WSCD1: variants seen among roughly 807,000 people sequenced by gnomAD.
The protein encoded by WSCD1 is WSC domain sialate O sulfotransferase 1, also known as sialate:O-sulfotransferase 1.
Under a neutral mutation model 60.4 loss-of-function variants are expected in WSCD1, and 41 were observed. That is an observed-to-expected ratio of 0.68 (90% CI 0.53 to 0.88). The LOEUF (loss-of-function observed/expected upper bound fraction) is 0.88, where lower values mean the gene tolerates loss of function less well. Ranked by LOEUF, WSCD1 falls within the 40% of genes least tolerant of loss-of-function variation. The probability of loss-of-function intolerance (pLI) is 0.00; values close to 1 mark genes in which losing one functional copy is unlikely to be tolerated. For synonymous variants in WSCD1, 361 were observed against 332.5 expected (o/e 1.09, Z -0.93); for missense variants, 784 against 796.2 (o/e 0.98, Z 0.18).
In WSCD1 at chr17:6,117,366, C is replaced by T. The variant is rs542472357; in HGVS notation, c.1175-622C>T. On this transcript the variant is annotated intron_variant, in intron 7 of 8. Transcript: ENST00000317744. ...GACCTGCTCTGAGGCAAGGCTGGGCCCTGTCATAGAACCATGGCATCAGGT... is the reference window on the plus strand; with the variant it reads ...GACCTGCTCTGAGGCAAGGCTGGGCTCTGTCATAGAACCATGGCATCAGGT... Among the ~76,000 whole-genome samples, 7 of 152,330 alleles carry T rather than the reference C, an allele frequency of 4.6e-5. No individual in the cohort carries two copies. The South Asian group carries it at 1.2e-3, about 27-fold the overall frequency.
In WSCD1 at chr17:6,120,964, C is replaced by A. The variant is rs748967101; in HGVS notation, c.*303C>A. ...CCCACGTGGGGTGTGCCAGGCACCCCCAGATACAAATGCAGCCACGCACAG... is the reference window on the plus strand; with the variant it reads ...CCCACGTGGGGTGTGCCAGGCACCCACAGATACAAATGCAGCCACGCACAG... On this transcript the variant is annotated 3_prime_UTR_variant, in exon 9 of 9. Coordinates refer to ENST00000317744, the MANE Select transcript of WSCD1 (RefSeq NM_015253.2). The A allele has an allele frequency of 1.1e-4, 49 of 430,180 alleles. No homozygotes were observed. Among genetic ancestry groups the A allele is most frequent in the Non-Finnish European group, 1.9e-4 (44 of 236,624 alleles). The allele number at this position is 430,180 out of a possible 1,614,324, so 26.6% of individuals were successfully genotyped here. A position where few individuals can be genotyped will look rare whatever the true frequency, so the allele number is the denominator to read the frequency against.
chr17:6,090,415 G>A lies in WSCD1; in HGVS notation c.637G>A (p.Glu213Lys). Residue 213 changes from glutamate (E) to lysine (K), a missense_variant, in exon 4 of 9, where the codon GAG becomes AAG. By Grantham distance (56) the Glu-to-Lys change is moderately conservative (BLOSUM62 1). Coordinates refer to ENST00000317744, the MANE Select transcript of WSCD1 (RefSeq NM_015253.2). ...VSVGLEECNH[E>K]CKGEKGSVCG... ...CGTGGGGCTGGAAGAGTGTAACCATGAGTGCAAAGGCGAGAAGGGCTCTGT... is the reference window on the plus strand; with the variant it reads ...CGTGGGGCTGGAAGAGTGTAACCATAAGTGCAAAGGCGAGAAGGGCTCTGT... 6.2e-7 allele frequency: 1 copy of A among 1,612,520 alleles called. No homozygotes were observed. Among genetic ancestry groups the A allele is most frequent in the Non-Finnish European group, 8.5e-7 (1 of 1,179,404 alleles).
chr17:6,109,613 C>T lies in WSCD1; in HGVS notation c.856C>T (p.Pro286Ser). 1 of 1,613,842 alleles carries T rather than the reference C, an allele frequency of 6.2e-7. No homozygotes were observed. Among genetic ancestry groups the T allele is most frequent in the Middle Eastern group, 1.6e-4 (1 of 6,062 alleles). ...TCTTATCGTTCCCTGGCAGGAGTTC[C>T]CCTTGGCCATTCTCAGGGGCTGGGA... The part of the protein sequence containing the change: ...CSGFCSQKEF[P>S]LAILRGWECY... Residue 286 changes from proline (P) to serine (S), a missense_variant, in exon 6 of 9, where the codon CCC becomes TCC. Coordinates refer to ENST00000317744, the MANE Select transcript of WSCD1 (RefSeq NM_015253.2).
In WSCD1 at chr17:6,086,821, C is replaced by T. The variant is rs1206503571; in HGVS notation, c.428-1169C>T. On this transcript the variant is annotated intron_variant, in intron 2 of 8. Coordinates refer to ENST00000317744, the MANE Select transcript of WSCD1 (RefSeq NM_015253.2). ...CTCTTGGCAGGAACAGAGACAGTCT[C>T]CCTTGCCCTCACGGAGCATCCAGGC... Among the ~76,000 whole-genome samples the T allele has an allele frequency of 4.6e-5, 7 of 152,204 alleles. No individual in the cohort carries two copies. In the East Asian group the frequency reaches 1.2e-3, roughly 25 times the overall value.
At chr17:6,115,113 G>A (rs1335950576) in intron 7 of WSCD1, among the ~76,000 whole-genome samples, 1 of 152,204 alleles carries the variant, frequency 6.6e-6, no homozygotes, top group African/African-American at 2.4e-5. Flanking sequence ...GTAGTCCGAG[G>A]TGGGGCCTGA....
Position 6,120,545 on chromosome 17 carries a change from C to G in WSCD1, c.1612C>G (p.Pro538Ala). 6.2e-7 allele frequency: 1 copy of G among 1,613,828 alleles called. No homozygotes were observed. The highest frequency in any genetic ancestry group is 1.1e-5 in the South Asian group (1 of 91,080). The change falls in exon 9 of 9, where the codon CCT becomes GCT. Residue 538 changes from proline to alanine, a missense_variant. By Grantham distance (27) the Pro-to-Ala change is conservative. Coordinates refer to ENST00000317744, the MANE Select transcript of WSCD1 (RefSeq NM_015253.2). ...FRRRGRRSHD[P>A]EPFTPEMKDL... ...GCGGCGCGGCCGGCGCTCCCACGACCCTGAGCCCTTCACCCCGGAGATGAA... is the reference window on the plus strand; with the variant it reads ...GCGGCGCGGCCGGCGCTCCCACGACGCTGAGCCCTTCACCCCGGAGATGAA...
chr17:6,115,066 C>T (rs1911619643), intron 7 of WSCD1, among the ~76,000 whole-genome samples: 1 of 152,144 alleles, frequency 6.6e-6, no homozygotes, highest in South Asian at 2.1e-4. Flanking sequence ...AAGAGAATCA[C>T]TTGGTCCTGG....
intron 5 of WSCD1, among the ~76,000 whole-genome samples, chr17:6,103,897 C>CA (rs1221240211): frequency 1.4e-4 from 21 of 152,182 alleles, no homozygotes; most frequent in Admixed American, 7.2e-4. Flanking sequence ...AACCAAGACT[C>CA]AATTCAGCTA....
chr17:6,070,662 GTC>G lies in WSCD1; in HGVS notation c.-289+15_-289+16del, dbSNP rs913282745. 1.8e-4 allele frequency: 27 copies of G among 150,672 alleles called. No homozygotes were observed. Among genetic ancestry groups the G allele is most frequent in the African/African-American group, 5.6e-4 (23 of 41,266 alleles). The allele number at this position is 150,672 out of a possible 1,614,324, so 9.3% of individuals were successfully genotyped here. On this transcript the variant is annotated intron_variant, in intron 1 of 8. Coordinates refer to ENST00000317744, the MANE Select transcript of WSCD1 (RefSeq NM_015253.2). The stretch of plus-strand genomic sequence containing the variant: ...CGGCCGCGATCGCGGGGTGAGTCCT[GTC>G]TCTCGGCGCTCCAGCCGGACCCCCG...
In WSCD1 at chr17:6,075,235, G is replaced by A. The variant is rs1002307667; in HGVS notation, c.-289+4583G>A. ...CTGCCACAGTAGCTGAGATCCTTCT[G>A]GGGATGTCTGGTGTCATTTTCCCTT... On this transcript the variant is annotated intron_variant, in intron 1 of 8. Transcript: ENST00000317744. The surrounding 1 kb of genome is among the most constrained non-coding windows in gnomAD (Gnocchi z 4.1). Among the ~76,000 whole-genome samples, 2 of 152,154 alleles carry A rather than the reference G, an allele frequency of 1.3e-5. No individual in the cohort carries two copies. Among genetic ancestry groups the A allele is most frequent in the Non-Finnish European group, 2.9e-5 (2 of 68,022 alleles).
rs1904838210 is a variant in WSCD1 at position 6,123,712 on chromosome 17, G to A, written c.*3051G>A. 6.6e-6 allele frequency: 1 copy of A among 152,118 alleles called. No individual in the cohort carries two copies. Among genetic ancestry groups the A allele is most frequent in the African/African-American group, 2.4e-5 (1 of 41,410 alleles). 9.4% of individuals were successfully genotyped at this position (152,118 alleles called of 1,614,324 possible). A position where few individuals can be genotyped will look rare whatever the true frequency, so the allele number is the denominator to read the frequency against. ...ATCTGAAATGTGATGACTCCAAAGG[G>A]GTTCATTTCACTATAGGGAGAAATT... On this transcript the variant is annotated 3_prime_UTR_variant, in exon 9 of 9. Transcript: ENST00000317744.
intron 1 of WSCD1, among the ~76,000 whole-genome samples, chr17:6,076,837 C>T (rs1305676475): frequency 6.6e-6 from 1 of 152,144 alleles, no homozygotes; most frequent in Non-Finnish European, 1.5e-5. Context: ...TGGCTGTGAG[C>T]CCTTGTGTAG....
At chr17:6,082,245 C>T (rs1909328155) in intron 2 of WSCD1, among the ~76,000 whole-genome samples, 1 of 152,140 alleles carries the variant, frequency 6.6e-6, no homozygotes, top group African/African-American at 2.4e-5. Context: ...GATTCACGTG[C>T]ATCCAGTATA....
At chr17:6,097,862 T>C (rs767310127) in intron 5 of WSCD1, among the ~76,000 whole-genome samples, 15 of 151,978 alleles carry the variant, frequency 9.9e-5, no homozygotes, top group Non-Finnish European at 2.1e-4. Flanking sequence ...TTGTGTGTGT[T>C]GGGGGGCTCA....
At chr17:6,074,306 A>G (rs749990264) in intron 1 of WSCD1, among the ~76,000 whole-genome samples, 8 of 152,194 alleles carry the variant, frequency 5.3e-5, no homozygotes, top group East Asian at 1.9e-4. Flanking sequence ...AAAGGGCCCA[A>G]CAGATTTTTG....
intron 1 of WSCD1, chr17:6,070,994 T>C (rs1434006524): frequency 2.6e-5 from 4 of 151,772 alleles, no homozygotes; most frequent in Admixed American, 6.6e-5. Context: ...GGCGCTGCGG[T>C]TGGTCCCGGG....
chr17:6,077,636 CCTGATT>C (rs1908952353), intron 1 of WSCD1, among the ~76,000 whole-genome samples: 1 of 152,162 alleles, frequency 6.6e-6, no homozygotes. Flanking sequence ...TGTATTGAAT[CCTGATT>C]CATCAGCTCT....
At position 6,076,336 on chromosome 17, in the gene WSCD1, G is replaced by A. The variant is rs143294729; in HGVS notation, c.-288-4035G>A. ...TTCACACTGCAAATGCTTCATAAAT[G>A]GTGGCATTGACAAAGCAATTGCTAA... On this transcript the variant is annotated intron_variant, in intron 1 of 8. Coordinates refer to ENST00000317744, the MANE Select transcript of WSCD1 (RefSeq NM_015253.2). 1.6e-4 allele frequency among the ~76,000 whole-genome samples: 25 copies of A among 152,298 alleles called. 1 individual carries two copies. The East Asian group carries it at 4.6e-3, about 28-fold the overall frequency.
chr17:6,106,321 A>G (rs1911083394), intron 5 of WSCD1, among the ~76,000 whole-genome samples: 1 of 152,246 alleles, frequency 6.6e-6, no homozygotes, highest in Non-Finnish European at 1.5e-5. Flanking sequence ...TCAGAGGAGC[A>G]TTATTCACAA....
Sources: gnomAD v4.1 joint callset for allele counts (sites outside exome capture counted in the v4.1 genomes callset) on GRCh38, gnomAD v4.1.1 for gene constraint, Gnocchi (gnomAD v3.1) non-coding constraint, MANE v1.5 for transcripts, NCBI Gene and HGNC (gene_info 2026-07-23, HGNC 2026-07-21) for gene names.